The following IQCM variants were observed in gnomAD, a reference collection of about 807,000 sequenced individuals.
IQCM encodes IQ motif containing M.
Under a neutral mutation model 57.6 loss-of-function variants are expected in IQCM, and 45 were observed. That is an observed-to-expected ratio of 0.78 (90% CI 0.62 to 1.00). IQCM has a LOEUF of 1.00. IQCM is among the 50% of genes least tolerant of loss of function. The pLI is 0.00. For synonymous variants in IQCM, 148 were observed against 158.9 expected (o/e 0.93, Z 0.51); for missense variants, 468 against 511.6 (o/e 0.91, Z 0.82).
intron 7 of IQCM, among the ~76,000 whole-genome samples, chr4:149,666,998 A>C (rs1760789764): frequency 6.6e-6 from 1 of 152,176 alleles, no homozygotes; most frequent in African/African-American, 2.4e-5. Flanking sequence ...CTGTGGGCAC[A>C]GCTTCAGCAG....
intron 7 of IQCM, among the ~76,000 whole-genome samples, chr4:149,629,694 C>T (rs1479099612): frequency 1.3e-5 from 2 of 151,758 alleles, no homozygotes; most frequent in Non-Finnish European, 1.5e-5. Flanking sequence ...AGAGGAAACA[C>T]ATTAAAAATA....
At chr4:149,603,203 C>G (rs1754473761) in intron 8 of IQCM, among the ~76,000 whole-genome samples, 1 of 151,990 alleles carries the variant, frequency 6.6e-6, no homozygotes, top group African/African-American at 2.4e-5. Flanking sequence ...GGTTGATTTT[C>G]TCTTTATTTT....
In IQCM at chr4:149,663,756, G is replaced by C. The variant is rs79096416; in HGVS notation, c.565+18362C>G. Among the ~76,000 whole-genome samples, 394 of 152,108 alleles carry C rather than the reference G, an allele frequency of 2.6e-3. 4 individuals carry two copies. The highest frequency in any genetic ancestry group is 9.3e-3 in the African/African-American group (384 of 41,508). Reference sequence around the variant, plus strand: ...TGATGTTTCTCTCATGCAGCTTTTAGAATTCTCTGTGTTTGACATTTGACA... The same window carrying C: ...TGATGTTTCTCTCATGCAGCTTTTACAATTCTCTGTGTTTGACATTTGACA... On this transcript the variant is annotated intron_variant, in intron 7 of 13. Coordinates refer to ENST00000636793, the MANE Select transcript of IQCM (RefSeq NM_001363507.2).
At chr4:149,765,104 T>A (rs1015664729) in intron 2 of IQCM, among the ~76,000 whole-genome samples, 3 of 152,034 alleles carry the variant, frequency 2.0e-5, no homozygotes, top group Non-Finnish European at 4.4e-5. Flanking sequence ...CCAAAAAAAA[T>A]TTCTTTATGA....
At chr4:149,805,303 T>C (rs982388499) in intron 2 of IQCM, among the ~76,000 whole-genome samples, 5 of 152,080 alleles carry the variant, frequency 3.3e-5, no homozygotes, top group Non-Finnish European at 7.4e-5. Context: ...AAATAAATCC[T>C]TTATTGGGAA....
intron 13 of IQCM, among the ~76,000 whole-genome samples, chr4:149,423,115 T>C (rs1383710296): frequency 6.6e-6 from 1 of 152,064 alleles, no homozygotes; most frequent in Non-Finnish European, 1.5e-5. Context: ...AGTCAATTTT[T>C]ACACTTGTAT....
intron 13 of IQCM, among the ~76,000 whole-genome samples, chr4:149,371,039 C>T (rs1730334554): frequency 6.6e-6 from 1 of 152,094 alleles, no homozygotes; most frequent in African/African-American, 2.4e-5. Flanking sequence ...TCTCGAATTT[C>T]CTTCTTTTAG....
chr4:149,434,561 G>A (rs181017283), intron 12 of IQCM, among the ~76,000 whole-genome samples: 12 of 151,944 alleles, frequency 7.9e-5, no homozygotes, highest in African/African-American at 2.9e-4. Flanking sequence ...CCTTTATTTT[G>A]TTACATGTCA....
chr4:149,598,326 C>T (rs757816673), intron 8 of IQCM, among the ~76,000 whole-genome samples: 3 of 152,008 alleles, frequency 2.0e-5, no homozygotes, highest in South Asian at 4.1e-4. Context: ...AATCTACCAT[C>T]GTTGTGTGGA....
intron 12 of IQCM, among the ~76,000 whole-genome samples, chr4:149,494,476 G>A (rs1326456544): frequency 6.6e-6 from 1 of 151,998 alleles, no homozygotes; most frequent in East Asian, 1.9e-4. Flanking sequence ...GCCCTGATTA[G>A]GAAACAAAAA....
At chr4:149,668,221 C>A (rs1279622222) in intron 7 of IQCM, among the ~76,000 whole-genome samples, 1 of 152,148 alleles carries the variant, frequency 6.6e-6, no homozygotes, top group Non-Finnish European at 1.5e-5. Context: ...AGACTAACAG[C>A]AGATCTCTCT....
At chr4:149,514,443 T>G (rs1344518914) in intron 12 of IQCM, 1 of 152,204 alleles carries the variant, frequency 6.6e-6, no homozygotes, top group African/African-American at 2.4e-5. Context: ...TAAACAAATC[T>G]TACAGAAACT....
chr4:149,591,282 C>A (rs1275431339), intron 8 of IQCM, among the ~76,000 whole-genome samples: 1 of 152,002 alleles, frequency 6.6e-6, no homozygotes, highest in Non-Finnish European at 1.5e-5. Flanking sequence ...ACAATTCCTT[C>A]ATGGTCTAAT....
intron 5 of IQCM, among the ~76,000 whole-genome samples, chr4:149,693,480 TAATA>T (rs936420498): frequency 2.0e-5 from 3 of 152,150 alleles, no homozygotes; most frequent in Admixed American, 6.5e-5. Context: ...CTCAATCCCC[TAATA>T]GAGTCATTAA....
At chr4:149,720,132 A>T (rs1580118170) in intron 5 of IQCM, among the ~76,000 whole-genome samples, 2 of 152,354 alleles carry the variant, frequency 1.3e-5, no homozygotes, top group South Asian at 4.1e-4. Flanking sequence ...AAAACATTGA[A>T]CAAACATGTT....
intron 5 of IQCM, among the ~76,000 whole-genome samples, chr4:149,687,954 G>T (rs1189846636): frequency 6.6e-6 from 1 of 151,768 alleles, no homozygotes; most frequent in Non-Finnish European, 1.5e-5. Context: ...ATACCTCAAT[G>T]TAATAAAAGC....
chr4:149,358,299 G>A (rs1179524511), intron 13 of IQCM, among the ~76,000 whole-genome samples: 1 of 152,112 alleles, frequency 6.6e-6, no homozygotes, highest in Admixed American at 6.6e-5. Flanking sequence ...TTTTGAATGT[G>A]TTTGCTCTTG....
At chr4:149,695,094 T>G (rs1763241780) in intron 5 of IQCM, among the ~76,000 whole-genome samples, 1 of 152,216 alleles carries the variant, frequency 6.6e-6, no homozygotes, top group African/African-American at 2.4e-5. Flanking sequence ...TCATATAATT[T>G]TCTACTGTTG....
rs892439196 is a variant in IQCM, at chr4:149,563,883, C to T, written c.757G>A (p.Gly253Ser). Reference sequence around the variant, plus strand: ...AGTTTATCAGTTTTATTTGGAGTACCTTTTATCCTAAAAATAAAACAAATT... The same window carrying T: ...AGTTTATCAGTTTTATTTGGAGTACTTTTTATCCTAAAAATAAAACAAATT... ...PEPKSQPRIKGTPNKTDKLDS... is the reference protein window; with the variant it reads ...PEPKSQPRIKSTPNKTDKLDS... Residue 253 changes from glycine to serine, a missense_variant, in exon 10 of 14, where the codon GGT becomes AGT. Physicochemically the swap from Gly to Ser is moderately conservative, Grantham distance 56. Transcript: ENST00000636793. 120 of 1,220,928 alleles carry T rather than the reference C, an allele frequency of 9.8e-5. No homozygotes were observed. Among genetic ancestry groups the T allele is most frequent in the Non-Finnish European group, 1.2e-4 (113 of 978,244 alleles). 75.6% of individuals were successfully genotyped at this position (1,220,928 alleles called of 1,614,324 possible).
Sources: allele counts gnomAD v4.1 joint callset (sites outside exome capture counted in the v4.1 genomes callset), GRCh38; gene constraint gnomAD v4.1.1; transcripts MANE v1.5; gene names NCBI Gene and HGNC (gene_info 2026-07-23, HGNC 2026-07-21).